LOC122513141: variants seen among roughly 807,000 people sequenced by gnomAD.
the LOC122513141 span, chr9:137,218,917 C>T: frequency 1.9e-5 from 6 of 320,012 alleles, no homozygotes; most frequent in East Asian, 4.8e-5. Flanking sequence ...ATTCACCCTG[C>T]GGCAGACGGG....
the LOC122513141 span, chr9:137,218,507 C>T: frequency 2.5e-6 from 1 of 400,508 alleles, no homozygotes. Context: ...GCTGCTGAGC[C>T]TGCTGGCCCT....
At chr9:137,218,202 G>A in the LOC122513141 span, 7 of 398,452 alleles carry the variant, frequency 1.8e-5, no homozygotes, top group East Asian at 1.1e-4. Flanking sequence ...GACCTGGGCC[G>A]GGTGCGCTGC....
At chr9:137,217,977 C>G in the LOC122513141 span, 7 of 398,694 alleles carry the variant, frequency 1.8e-5, no homozygotes, top group East Asian at 2.1e-4. Flanking sequence ...GCCAGTGAGC[C>G]CCTGCTGGGG....
the LOC122513141 span, chr9:137,219,001 GCAAA>G: frequency 5.2e-6 from 1 of 190,656 alleles, no homozygotes; most frequent in Non-Finnish European, 1.1e-5. Flanking sequence ...AGGCATGAAA[GCAAA>G]CAGAGATACA....
chr9:137,218,318 C>T, the LOC122513141 span: 1 of 398,268 alleles, frequency 2.5e-6, no homozygotes, highest in South Asian at 1.3e-4. Flanking sequence ...CCGAGAGGCC[C>T]CTGCATCCTA....
At chr9:137,218,466 G>A in the LOC122513141 span, 11 of 398,444 alleles carry the variant, frequency 2.8e-5, no homozygotes, top group Admixed American at 4.4e-5. Flanking sequence ...TGGACCCTGC[G>A]GGAGCGGGGA....
At chr9:137,218,607 A>G in the LOC122513141 span, 4 of 398,364 alleles carry the variant, frequency 1.0e-5, no homozygotes, top group Non-Finnish European at 1.8e-5. Context: ...CGCTGAGCAG[A>G]GCCCAGGACA....
the LOC122513141 span, chr9:137,218,006 G>A: frequency 1.8e-4 from 70 of 399,242 alleles, no homozygotes; most frequent in Non-Finnish European, 2.8e-4. Flanking sequence ...CATGGAGGGT[G>A]CCTGGGCCCT....
the LOC122513141 span, chr9:137,218,023 C>T: frequency 7.5e-6 from 3 of 399,212 alleles, no homozygotes; most frequent in African/African-American, 6.2e-5. Context: ...CCCTTCCAAC[C>T]TGGAAGGAGG....
chr9:137,218,191 C>T, the LOC122513141 span: 7 of 398,386 alleles, frequency 1.8e-5, no homozygotes, highest in Middle Eastern at 6.2e-4. Context: ...CCTCCAGTGC[C>T]GACCTGGGCC....
chr9:137,218,901 G>A, the LOC122513141 span: 1 of 352,626 alleles, frequency 2.8e-6, no homozygotes, highest in Non-Finnish European at 5.1e-6. Flanking sequence ...CTGTGAGCAG[G>A]ACCCCATTCA....
At chr9:137,218,836 A>G in the LOC122513141 span, 1 of 390,154 alleles carries the variant, frequency 2.6e-6, no homozygotes, top group Non-Finnish European at 4.5e-6. Context: ...AGCTGAACCC[A>G]AGGACACCAG....
At chr9:137,218,668 C>T in the LOC122513141 span, 1 of 398,454 alleles carries the variant, frequency 2.5e-6, no homozygotes, top group South Asian at 1.3e-4. Flanking sequence ...GTCCCCATGC[C>T]TGGGTGCTGT....
the LOC122513141 span, chr9:137,217,730 C>G: frequency 5.4e-6 from 2 of 368,836 alleles, no homozygotes; most frequent in African/African-American, 4.2e-5. Flanking sequence ...CCTGCCTTCC[C>G]TGAGGGCCGC....
chr9:137,218,288 G>A, the LOC122513141 span: 3 of 398,152 alleles, frequency 7.5e-6, no homozygotes, highest in African/African-American at 2.1e-5. Context: ...ACAGGCCGAC[G>A]GGCCCTCACG....
the LOC122513141 span, chr9:137,218,536 G>A: frequency 2.5e-6 from 1 of 401,122 alleles, no homozygotes; most frequent in South Asian, 1.3e-4. Flanking sequence ...TGGGGCTGCT[G>A]CTGGTCTTCA....
the LOC122513141 span, chr9:137,218,941 A>G: frequency 3.7e-6 from 1 of 272,604 alleles, no homozygotes; most frequent in Non-Finnish European, 6.9e-6. Flanking sequence ...CGTACTGGCC[A>G]CGGGCTGACG....
chr9:137,217,570 GGGCTCCAGC>G, the LOC122513141 span: 3 of 167,682 alleles, frequency 1.8e-5, no homozygotes, highest in Non-Finnish European at 3.8e-5. Flanking sequence ...GGCTGAGGCT[GGGCTCCAGC>G]CAGATCTGGC....
chr9:137,219,024 T>A, the LOC122513141 span: 5 of 170,350 alleles, frequency 2.9e-5, no homozygotes, highest in Non-Finnish European at 4.9e-5. Context: ...CAGCAGTGAG[T>A]CAGTTCCTTG....
Sources: allele counts gnomAD v4.1 joint callset, GRCh38; gene constraint gnomAD v4.1.1; transcripts MANE v1.5.